The following TIAM1 variants were observed in gnomAD, a reference collection of about 807,000 sequenced individuals.
The protein encoded by TIAM1 is rho guanine nucleotide exchange factor TIAM1.
In TIAM1, 65 loss-of-function variants were observed where a neutral mutation model predicts 163.5. The ratio of observed to expected loss-of-function variants is 0.40; its 90% CI spans 0.33 to 0.49. The LOEUF (loss-of-function observed/expected upper bound fraction) is 0.49. Ranked by LOEUF, TIAM1 falls within the 20% of genes least tolerant of loss-of-function variation. The probability of loss-of-function intolerance (pLI) is 0.77; values close to 1 mark genes in which losing one functional copy is unlikely to be tolerated. For synonymous variants in TIAM1, 833 were observed against 810.1 expected (o/e 1.03, Z -0.48); for missense variants, 1,789 against 2,044.7 (o/e 0.87, Z 2.41).
intron 2 of TIAM1, among the ~76,000 whole-genome samples, chr21:31,424,800 C>CA (rs1478398828): frequency 3.9e-5 from 6 of 152,156 alleles, no homozygotes; most frequent in Admixed American, 6.5e-5. Flanking sequence ...CCTATAATCC[C>CA]AGCACTTTTG....
At chr21:31,262,935 A>C (rs1434355393) in intron 4 of TIAM1, among the ~76,000 whole-genome samples, 1 of 136,068 alleles carries the variant, frequency 7.3e-6, no homozygotes, top group African/African-American at 2.8e-5. Context: ...AACTTTTACC[A>C]AAAAAAAAGA....
chr21:31,228,241 A>ATCTG lies in TIAM1; in HGVS notation c.1585-2292_1585-2291insCAGA, dbSNP rs1569068860. Among the ~76,000 whole-genome samples, 152 of 46,710 alleles carry ATCTG rather than the reference A, an allele frequency of 3.3e-3. 6 individuals carry two copies. The East Asian group carries it at 0.085, about 26-fold the overall frequency. 30.6% of individuals were successfully genotyped at this position (46,710 alleles called of 152,430 possible). On this transcript the variant is annotated intron_variant, in intron 6 of 27. Transcript: ENST00000541036. ...TTTTTAAAAAAAAAAAAAAAAAAAAAAAAAAAAAAAAAAAAAAAGGAAGGA... is the reference window on the plus strand; with the variant it reads ...TTTTTAAAAAAAAAAAAAAAAAAAAATCTGAAAAAAAAAAAAAAAAAAGGAAGGA...
At chr21:31,155,599 G>A (rs1180187561) in intron 16 of TIAM1, among the ~76,000 whole-genome samples, 1 of 152,092 alleles carries the variant, frequency 6.6e-6, no homozygotes, top group Non-Finnish European at 1.5e-5. Flanking sequence ...CCACCTTCCG[G>A]GTTCACGCCA....
At position 31,129,683 on chromosome 21, in the gene TIAM1, C is replaced by A. The variant is rs573028813; in HGVS notation, c.4045+530G>T. On this transcript the variant is annotated intron_variant, in intron 25 of 27. Transcript: ENST00000541036. ...ACCCCATCTTTAAAAAAATTAAAAT[C>A]AATGTAAAAAAGAATCAACATTTTA... Among the ~76,000 whole-genome samples the A allele has an allele frequency of 2.0e-5, 3 of 152,192 alleles. No homozygotes were observed. The East Asian group carries it at 5.8e-4, about 29-fold the overall frequency.
chr21:31,259,907 C>T (rs750583692), intron 4 of TIAM1, among the ~76,000 whole-genome samples: 2 of 151,456 alleles, frequency 1.3e-5, no homozygotes, highest in Non-Finnish European at 2.9e-5. Context: ...AAAACAATGC[C>T]TCTGTCCCAC....
chr21:31,343,451 T>C (rs1168041437), intron 1 of TIAM1, among the ~76,000 whole-genome samples: 2 of 152,086 alleles, frequency 1.3e-5, no homozygotes, highest in Non-Finnish European at 2.9e-5. Flanking sequence ...AGGCAATCGA[T>C]CCAAAGGTAA....
chr21:31,163,886 C>T (rs772336440), intron 16 of TIAM1, among the ~76,000 whole-genome samples: 3 of 151,948 alleles, frequency 2.0e-5, no homozygotes, highest in Non-Finnish European at 2.9e-5. Context: ...AAAGAGAGAT[C>T]GTAGAGAAAT....
intron 15 of TIAM1, among the ~76,000 whole-genome samples, chr21:31,177,667 C>T (rs2146418500): frequency 6.6e-6 from 1 of 152,288 alleles, no homozygotes; most frequent in East Asian, 1.9e-4. Context: ...GGTTCCAGGC[C>T]CTAATCTTCG....
chr21:31,225,552 T>C (rs781478788), intron 7 of TIAM1, among the ~76,000 whole-genome samples, 174 bp downstream of exon 7: 32 of 151,442 alleles, frequency 2.1e-4, no homozygotes, highest in Non-Finnish European at 4.1e-4. Context: ...CAATCAGCTA[T>C]GAACAAAGGG....
intron 2 of TIAM1, among the ~76,000 whole-genome samples, chr21:31,281,807 G>A (rs768611068): frequency 6.6e-6 from 1 of 151,996 alleles, no homozygotes; most frequent in Non-Finnish European, 1.5e-5. Context: ...ATGGTAGATG[G>A]GTGGATGGAT....
In TIAM1 at chr21:31,181,756, CTTTTTTTTTTTTTTT is replaced by C. The variant is rs781153297; in HGVS notation, c.2887+650_2887+664del. ...CCCAGCACTTCTTCTTCTTCTTCTT[CTTTTTTTTTTTTTTT>C]TTTTTTTTTTTTTTTTTTTTTTTTT... On this transcript the variant is annotated intron_variant, in intron 15 of 27. Transcript: ENST00000541036. Among the ~76,000 whole-genome samples the C allele has an allele frequency of 5.1e-4, 21 of 41,322 alleles. 1 individual carries two copies. The highest frequency in any genetic ancestry group is 1.0e-3 in the Admixed American group (3 of 3,006). 27.1% of individuals were successfully genotyped at this position (41,322 alleles called of 152,430 possible).
At chr21:31,553,281 C>A (rs2048755842) in intron 1 of TIAM1, among the ~76,000 whole-genome samples, 1 of 152,130 alleles carries the variant, frequency 6.6e-6, no homozygotes, top group Non-Finnish European at 1.5e-5. Context: ...GTTATCAGTA[C>A]CCAGGTAGCC....
chr21:31,144,826 C>A, intron 20 of TIAM1, among the ~76,000 whole-genome samples: 1 of 77,804 alleles, frequency 1.3e-5, no homozygotes, highest in Non-Finnish European at 2.2e-5. Flanking sequence ...GAGACTCCAT[C>A]TCAGAAAAAA....
chr21:31,242,772 T>C (rs555456230), intron 6 of TIAM1, among the ~76,000 whole-genome samples: 17 of 142,180 alleles, frequency 1.2e-4, no homozygotes, highest in Non-Finnish European at 2.1e-4. Flanking sequence ...GACATTCTAG[T>C]AGTCAATAGA....
chr21:31,152,600 T>G, intron 19 of TIAM1, 36 bp downstream of exon 19: 1 of 1,612,272 alleles, frequency 6.2e-7, no homozygotes, highest in Non-Finnish European at 8.5e-7. Flanking sequence ...AGCCACACTA[T>G]AGCCCTGACG....
chr21:31,328,254 A>G (rs962947603), intron 2 of TIAM1, among the ~76,000 whole-genome samples: 4 of 152,182 alleles, frequency 2.6e-5, no homozygotes, highest in Non-Finnish European at 5.9e-5. Flanking sequence ...TACAGTCGCC[A>G]TTCCCTATCC....
chr21:31,219,681 A>AT (rs1233119886), intron 8 of TIAM1, among the ~76,000 whole-genome samples: 1 of 152,194 alleles, frequency 6.6e-6, no homozygotes, highest in Admixed American at 6.5e-5. Context: ...AAATAGGAAG[A>AT]TGAGGGAGCT....
rs559881940 is a variant in TIAM1, at chr21:31,404,432, G to A, written c.-369+59551C>T. 4.6e-5 allele frequency among the ~76,000 whole-genome samples: 7 copies of A among 151,850 alleles called. No homozygotes were observed. The East Asian group carries it at 1.4e-3, about 29-fold the overall frequency. On this transcript the variant is annotated intron_variant, in intron 2 of 28. Coordinates refer to the TIAM1 transcript ENST00000286827. ...AACATTTATTACAGTCTTAGACAGA[G>A]GTTCTGTCCCTCATCAAAAAACACT...
intron 2 of TIAM1, among the ~76,000 whole-genome samples, chr21:31,315,189 G>A (rs1020968235): frequency 1.9e-4 from 29 of 152,142 alleles, no homozygotes; most frequent in African/African-American, 6.5e-4. Flanking sequence ...TGACCAACAT[G>A]GTGAAACTCC....
Sources: allele counts gnomAD v4.1 joint callset (sites outside exome capture counted in the v4.1 genomes callset), GRCh38; gene constraint gnomAD v4.1.1; transcripts MANE v1.5; gene names NCBI Gene and HGNC (gene_info 2026-07-23, HGNC 2026-07-21).